The following PRRX1 variants were observed in gnomAD, a reference collection of about 807,000 sequenced individuals.
The protein encoded by PRRX1 is paired related homeobox 1.
A neutral mutation model predicts 24.0 loss-of-function variants in PRRX1; 8 were observed. The observed-to-expected ratio is 0.33, with a 90% CI of 0.20 to 0.60. The LOEUF is 0.60. Among genes scored for constraint, PRRX1 ranks in the 20% least tolerant of loss-of-function variants. The pLI is 0.82. For missense variants in PRRX1, 281 were observed against 322.4 expected (o/e 0.87, Z 0.98); for synonymous variants, 160 against 131.7 (o/e 1.22, Z -1.47).
chr1:170,666,878 G>A (rs1186746370), intron 1 of PRRX1, among the ~76,000 whole-genome samples: 3 of 152,010 alleles, frequency 2.0e-5, no homozygotes, highest in African/African-American at 4.8e-5. Context: ...GCTATGGAGC[G>A]CCCCCGAGCA....
intron 1 of PRRX1, among the ~76,000 whole-genome samples, chr1:170,683,916 A>G (rs1008418245): frequency 2.6e-5 from 4 of 152,228 alleles, no homozygotes; most frequent in Admixed American, 2.0e-4. Flanking sequence ...ATGAAACAGT[A>G]ACCAAAATTC....
intron 1 of PRRX1, among the ~76,000 whole-genome samples, chr1:170,681,205 A>AC (rs1205210157): frequency 1.3e-5 from 2 of 152,132 alleles, no homozygotes; most frequent in Non-Finnish European, 2.9e-5. Context: ...AGATATTGCC[A>AC]CCCCCACCTT....
At chr1:170,664,514 C>A in intron 1 of PRRX1, 55 bp downstream of exon 1, 1 of 1,555,194 alleles carries the variant, frequency 6.4e-7, no homozygotes, top group African/African-American at 1.4e-5. Flanking sequence ...AGGGCGGGGA[C>A]CCGTGTAGGG....
intron 3 of PRRX1, chr1:170,729,056 C>T (rs1655346877): frequency 6.6e-6 from 1 of 152,152 alleles, no homozygotes; most frequent in East Asian, 1.9e-4. Context: ...TGCTGTGCTT[C>T]CAAAGAAGAG....
In PRRX1 at chr1:170,724,666, G is replaced by A. The variant is rs566451425; in HGVS notation, c.418-1554G>A. On this transcript the variant is annotated intron_variant, in intron 2 of 3. Transcript: ENST00000239461. ...GTGTGTGCTTTTGTACTAATACCAC[G>A]CTGTTTTGGTTACTGTAGCCTTGTA... Among the ~76,000 whole-genome samples the A allele has an allele frequency of 1.1e-3, 165 of 152,234 alleles. 2 individuals are homozygous for A. The South Asian group carries it at 0.015, about 13-fold the overall frequency.
intron 1 of PRRX1, among the ~76,000 whole-genome samples, chr1:170,689,166 TTC>T (rs1051871970): frequency 6.6e-6 from 1 of 152,124 alleles, no homozygotes; most frequent in Non-Finnish European, 1.5e-5. Context: ...TTATTTTTTT[TTC>T]TGTTATTTCA....
chr1:170,687,948 G>A (rs1653802167), intron 1 of PRRX1, among the ~76,000 whole-genome samples: 1 of 152,048 alleles, frequency 6.6e-6, no homozygotes, highest in Non-Finnish European at 1.5e-5. Flanking sequence ...TGAGAAAAAG[G>A]GGAAAAAGAA....
At chr1:170,717,239 A>T (rs968344369) in intron 1 of PRRX1, among the ~76,000 whole-genome samples, 2 of 152,252 alleles carry the variant, frequency 1.3e-5, no homozygotes, top group African/African-American at 4.8e-5. Flanking sequence ...GTCATAAACT[A>T]TAATTCTCCA....
rs2213750 is a variant in PRRX1, at chr1:170,738,292, T to C, written c.*2106T>C. Reference sequence around the variant, plus strand: ...TTGGCATATCAGATTGAGCTAATGGTGATGTTATTTCAATCTAACAGCCAC... The same window carrying C: ...TTGGCATATCAGATTGAGCTAATGGCGATGTTATTTCAATCTAACAGCCAC... On this transcript the variant is annotated 3_prime_UTR_variant, in exon 4 of 4. Coordinates refer to ENST00000239461, the MANE Select transcript of PRRX1 (RefSeq NM_022716.4). 1 of 225,220 alleles carries C rather than the reference T, an allele frequency of 4.4e-6. No individual in the cohort carries two copies. The highest frequency in any genetic ancestry group is 8.9e-6 in the Non-Finnish European group (1 of 112,986). The allele number at this position is 225,220 out of a possible 1,614,324, so 14.0% of individuals were successfully genotyped here. A position where few individuals can be genotyped will look rare whatever the true frequency, so the allele number is the denominator to read the frequency against.
At chr1:170,735,917 A>G (rs1002860172) in intron 3 of PRRX1, 131 bp from the exon 4 acceptor site, 10 of 1,235,936 alleles carry the variant, frequency 8.1e-6, no homozygotes, top group Non-Finnish European at 1.2e-5. Context: ...AAGGGACCCT[A>G]GAGGTCATCT....
At chr1:170,665,754 T>A (rs77401317) in intron 1 of PRRX1, among the ~76,000 whole-genome samples, 12,145 of 152,318 alleles carry the variant, frequency 0.08, 645 homozygotes, top group Middle Eastern at 0.12. Context: ...TCTGGTGTGC[T>A]CAAGACGCCT....
chr1:170,731,690 T>G (rs1655444917), intron 3 of PRRX1, among the ~76,000 whole-genome samples: 1 of 152,136 alleles, frequency 6.6e-6, no homozygotes, highest in African/African-American at 2.4e-5. Context: ...TTTGTCCCAG[T>G]GAAAACAGTA....
At chr1:170,672,489 C>T (rs965948709) in intron 1 of PRRX1, among the ~76,000 whole-genome samples, 1 of 152,178 alleles carries the variant, frequency 6.6e-6, no homozygotes, top group Non-Finnish European at 1.5e-5. Context: ...CACTTAATTT[C>T]TCATCATCAG....
At chr1:170,686,107 T>G (rs534235752) in intron 1 of PRRX1, among the ~76,000 whole-genome samples, 1 of 139,776 alleles carries the variant, frequency 7.2e-6, no homozygotes, top group Non-Finnish European at 1.5e-5. Context: ...TCACCAGCAT[T>G]AAGCTCACTT....
At chr1:170,726,752 T>A (rs1182723868) in intron 3 of PRRX1, 2 of 198,350 alleles carry the variant, frequency 1.0e-5, no homozygotes, top group Admixed American at 1.1e-4. Flanking sequence ...GTTTCCAAAT[T>A]TAAGCTAAAT....
intron 2 of PRRX1, among the ~76,000 whole-genome samples, chr1:170,723,112 A>T (rs914407178): frequency 1.3e-5 from 2 of 152,176 alleles, no homozygotes; most frequent in African/African-American, 2.4e-5. Flanking sequence ...CGAGGCAATA[A>T]GGTGATTGTA....
At chr1:170,678,047 A>G (rs1653382000) in intron 1 of PRRX1, among the ~76,000 whole-genome samples, 1 of 152,178 alleles carries the variant, frequency 6.6e-6, no homozygotes, top group Non-Finnish European at 1.5e-5. Flanking sequence ...TTACTGCTCC[A>G]CTGAGATTTC....
chr1:170,670,861 C>T (rs1316058177), intron 1 of PRRX1, among the ~76,000 whole-genome samples: 1 of 152,098 alleles, frequency 6.6e-6, no homozygotes, highest in Non-Finnish European at 1.5e-5. Context: ...GGACAACCAG[C>T]ATCTTGGGGA....
At chr1:170,688,269 A>G (rs900789920) in intron 1 of PRRX1, among the ~76,000 whole-genome samples, 1 of 152,156 alleles carries the variant, frequency 6.6e-6, no homozygotes, top group African/African-American at 2.4e-5. Flanking sequence ...GGGTCCAAAA[A>G]CTGTAATGTT....
Sources: allele counts gnomAD v4.1 joint callset (sites outside exome capture counted in the v4.1 genomes callset), GRCh38; gene constraint gnomAD v4.1.1; transcripts MANE v1.5; gene names NCBI Gene and HGNC (gene_info 2026-07-23, HGNC 2026-07-21).